Variants in CDH12 observed in about 807,000 individuals in gnomAD.
The protein encoded by CDH12 is cadherin 12.
Under a neutral mutation model 74.1 loss-of-function variants are expected in CDH12, and 41 were observed. That is an observed-to-expected ratio of 0.55 (90% CI 0.43 to 0.72). The LOEUF (loss-of-function observed/expected upper bound fraction) is 0.72, where lower values mean the gene tolerates loss of function less well. Ranked by LOEUF, CDH12 falls within the 30% of genes least tolerant of loss-of-function variation. The pLI is 0.00. For synonymous variants in CDH12, 399 were observed against 355.0 expected, an observed-to-expected ratio of 1.12 and a Z score of -1.39; for missense variants, 945 against 977.2, an observed-to-expected ratio of 0.97 and a Z score of 0.44.
intron 1 of CDH12, among the ~76,000 whole-genome samples, chr5:22,617,920 A>G (rs573963173): frequency 1.5e-4 from 23 of 152,268 alleles, no homozygotes; most frequent in African/African-American, 5.1e-4. Context: ...ACTTAGAGGT[A>G]ATAACAATAA....
intron 4 of CDH12, among the ~76,000 whole-genome samples, chr5:22,158,310 T>C (rs868631882): frequency 6.6e-6 from 1 of 152,192 alleles, no homozygotes; most frequent in Middle Eastern, 3.4e-3. Flanking sequence ...AAAATGGCTG[T>C]ATCTGTGTTT....
intron 3 of CDH12, among the ~76,000 whole-genome samples, chr5:22,313,723 A>G (rs1738487714): frequency 6.6e-6 from 1 of 152,234 alleles, no homozygotes; most frequent in Non-Finnish European, 1.5e-5. Flanking sequence ...GGAGTAACAC[A>G]GAAGTGGAAA....
At chr5:22,183,355 A>G (rs1749751616) in intron 4 of CDH12, among the ~76,000 whole-genome samples, 1 of 152,214 alleles carries the variant, frequency 6.6e-6, no homozygotes, top group South Asian at 2.1e-4. Flanking sequence ...ACAGGCAGCT[A>G]TAAAGCCTGT....
chr5:21,869,647 G>C (rs1234087752), intron 6 of CDH12, among the ~76,000 whole-genome samples: 1 of 151,890 alleles, frequency 6.6e-6, no homozygotes, highest in Admixed American at 6.6e-5. Context: ...TTAGGCAAAG[G>C]GTAAGCATCA....
At position 21,751,632 on chromosome 5, in the gene CDH12, T is replaced by TTG. The variant is rs70957059; in HGVS notation, c.*103_*104dup. 0.032 allele frequency: 18,310 copies of TTG among 571,836 alleles called. 135 individuals carry two copies. Among genetic ancestry groups the TTG allele is most frequent in the Middle Eastern group, 0.051 (164 of 3,216 alleles). 35.4% of individuals were successfully genotyped at this position (571,836 alleles called of 1,614,324 possible). A position where few individuals can be genotyped will look rare whatever the true frequency, so the allele number is the denominator to read the frequency against. ...AGAGTGTGTGTGTGTGTGTGTGTGT[T>TTG]TGTGTGTGTGTGTGTGTGTGAGAGA... On this transcript the variant is annotated 3_prime_UTR_variant, in exon 15 of 15. Coordinates refer to ENST00000382254, the MANE Select transcript of CDH12 (RefSeq NM_004061.5).
chr5:22,806,291 C>T (rs1748782098), intron 1 of CDH12, among the ~76,000 whole-genome samples: 1 of 151,822 alleles, frequency 6.6e-6, no homozygotes, highest in South Asian at 2.1e-4. Flanking sequence ...TAAAAGGGTT[C>T]CTATTTCCCC....
At chr5:22,053,505 G>C (rs1483876719) in intron 5 of CDH12, among the ~76,000 whole-genome samples, 2 of 152,098 alleles carry the variant, frequency 1.3e-5, no homozygotes, top group East Asian at 1.9e-4. Flanking sequence ...TACAGCTTCT[G>C]TGTATCACGG....
At chr5:22,784,549 G>T (rs1369096290) in intron 1 of CDH12, among the ~76,000 whole-genome samples, 2 of 151,914 alleles carry the variant, frequency 1.3e-5, no homozygotes, top group Admixed American at 6.6e-5. Flanking sequence ...TTCCTAAATT[G>T]TTCTCAAAGT....
intron 1 of CDH12, among the ~76,000 whole-genome samples, chr5:22,728,659 G>A (rs1367262285): frequency 6.6e-6 from 1 of 151,772 alleles, no homozygotes; most frequent in Non-Finnish European, 1.5e-5. Flanking sequence ...AAATATTTTG[G>A]GATGCTGAAG....
At chr5:22,617,795 A>T (rs1172950973) in intron 1 of CDH12, among the ~76,000 whole-genome samples, 2 of 152,136 alleles carry the variant, frequency 1.3e-5, no homozygotes, top group Non-Finnish European at 2.9e-5. Context: ...ATTATAATAT[A>T]ACTTGAAAAC....
intron 3 of CDH12, among the ~76,000 whole-genome samples, chr5:22,292,606 C>A (rs1013610052): frequency 7.0e-6 from 1 of 143,790 alleles, no homozygotes; most frequent in African/African-American, 2.5e-5. Context: ...GACAAAGGAC[C>A]TGAAAGATGC....
At chr5:22,434,574 C>T (rs1189319766) in intron 2 of CDH12, among the ~76,000 whole-genome samples, 1 of 152,042 alleles carries the variant, frequency 6.6e-6, no homozygotes, top group Non-Finnish European at 1.5e-5. Flanking sequence ...GGATAATCAC[C>T]AACCGAATCC....
chr5:22,545,351 C>G (rs1012545843), intron 1 of CDH12, among the ~76,000 whole-genome samples: 2 of 152,148 alleles, frequency 1.3e-5, no homozygotes, highest in African/African-American at 2.4e-5. Context: ...TTAGCTCCAG[C>G]AATGGCAAGT....
chr5:21,925,344 T>C (rs187317298), intron 6 of CDH12, among the ~76,000 whole-genome samples: 1 of 152,342 alleles, frequency 6.6e-6, no homozygotes, highest in Admixed American at 6.5e-5. Flanking sequence ...GGACCCTTCA[T>C]CATTTAAGTC....
chr5:21,845,783 A>G (rs1420933285), intron 7 of CDH12, among the ~76,000 whole-genome samples: 2 of 152,032 alleles, frequency 1.3e-5, no homozygotes, highest in African/African-American at 4.8e-5. Context: ...TCTGGCTCAG[A>G]GTGATAAAGG....
intron 1 of CDH12, among the ~76,000 whole-genome samples, chr5:22,820,318 A>T (rs762483942): frequency 1.2e-4 from 18 of 152,084 alleles, no homozygotes; most frequent in Non-Finnish European, 2.1e-4. Flanking sequence ...ACCGGATCTC[A>T]TCGTGAGTTC....
chr5:21,751,929 T>C lies in CDH12; in HGVS notation c.2193A>G (p.Pro731=), dbSNP rs770721113. The C allele has an allele frequency of 3.7e-5, 59 of 1,613,870 alleles. No individual in the cohort carries two copies. Among genetic ancestry groups the C allele is most frequent in the Non-Finnish European group, 4.6e-5 (54 of 1,179,980 alleles). ...CATATGTGGCCAGTGAATCGTATGGTGGGGCAGTTGGATCCACATCATTTT... is the reference window on the plus strand; with the variant it reads ...CATATGTGGCCAGTGAATCGTATGGCGGGGCAGTTGGATCCACATCATTTT... ...LQENDVDPTA[P]PYDSLATYAY... The change falls in exon 15 of 15, where the codon CCA becomes CCG. Residue 731 remains proline, a synonymous_variant. Transcript: ENST00000382254.
chr5:22,805,490 G>A (rs1482167330), intron 1 of CDH12, among the ~76,000 whole-genome samples: 1 of 151,920 alleles, frequency 6.6e-6, no homozygotes, highest in Non-Finnish European at 1.5e-5. Context: ...AGTGTAAAAT[G>A]TATTGATTTT....
intron 1 of CDH12, among the ~76,000 whole-genome samples, chr5:22,611,118 A>G (rs1030521728): frequency 6.6e-6 from 1 of 152,212 alleles, no homozygotes; most frequent in South Asian, 2.1e-4. Context: ...GTGAAAACCT[A>G]TATTTTTATC....
Sources: gnomAD v4.1 joint callset for allele counts (sites outside exome capture counted in the v4.1 genomes callset) on GRCh38, gnomAD v4.1.1 for gene constraint, MANE v1.5 for transcripts, NCBI Gene and HGNC (gene_info 2026-07-23, HGNC 2026-07-21) for gene names.